The following RALYL variants were observed in gnomAD, a reference collection of about 807,000 sequenced individuals.
The protein encoded by RALYL is RALY RNA binding protein like.
A neutral mutation model predicts 35.1 loss-of-function variants in RALYL; 29 were observed. The ratio of observed to expected loss-of-function variants is 0.83; its 90% confidence interval spans 0.61 to 1.13. The LOEUF is 1.13. RALYL is among the 50% of genes most tolerant of loss of function. The pLI, the probability that RALYL is intolerant of heterozygous loss-of-function variation, is 0.00. For synonymous variants in RALYL, 120 were observed against 127.6 expected, an observed-to-expected ratio of 0.94 and a Z score of 0.40; for missense variants, 359 against 360.4, an observed-to-expected ratio of 1.00 and a Z score of 0.03.
At chr8:84,781,196 T>A (rs981709657) in intron 3 of RALYL, among the ~76,000 whole-genome samples, 1 of 152,198 alleles carries the variant, frequency 6.6e-6, no homozygotes, top group Non-Finnish European at 1.5e-5. Flanking sequence ...TTAGCTATGA[T>A]GATGTTGCTA....
At chr8:84,479,588 T>A (rs889922825) in intron 1 of RALYL, among the ~76,000 whole-genome samples, 2 of 152,214 alleles carry the variant, frequency 1.3e-5, no homozygotes, top group African/African-American at 2.4e-5. Flanking sequence ...TGTTTCTGTG[T>A]CTTTGTTCTG....
intron 2 of RALYL, among the ~76,000 whole-genome samples, chr8:84,714,505 A>G (rs1201028310): frequency 6.6e-6 from 1 of 151,284 alleles, no homozygotes; most frequent in African/African-American, 2.4e-5. Context: ...ATATATATAT[A>G]ATTTTTATTA....
At chr8:84,413,519 G>A (rs974491670) in intron 1 of RALYL, among the ~76,000 whole-genome samples, 2 of 151,890 alleles carry the variant, frequency 1.3e-5, no homozygotes, top group African/African-American at 4.8e-5. Context: ...ATTTGGACAT[G>A]TGAACATCTT....
At chr8:84,786,078 G>A (rs934016552) in intron 3 of RALYL, among the ~76,000 whole-genome samples, 6 of 152,182 alleles carry the variant, frequency 3.9e-5, no homozygotes, top group African/African-American at 1.4e-4. Flanking sequence ...AGAACATGTG[G>A]TATTTGGTTT....
intron 3 of RALYL, among the ~76,000 whole-genome samples, chr8:84,786,661 C>T (rs113236957): frequency 3.9e-5 from 6 of 152,106 alleles, no homozygotes; most frequent in Non-Finnish European, 8.8e-5. Context: ...CCTTTACCTA[C>T]TTTTTAATAG....
chr8:84,492,763 G>T (rs1024914299), intron 1 of RALYL, among the ~76,000 whole-genome samples: 4 of 147,358 alleles, frequency 2.7e-5, no homozygotes, highest in African/African-American at 5.4e-5. Flanking sequence ...CTTTCAAAAG[G>T]TATTACATAA....
intron 1 of RALYL, among the ~76,000 whole-genome samples, chr8:84,286,403 A>G (rs1047081943): frequency 2.0e-5 from 3 of 152,200 alleles, no homozygotes; most frequent in African/African-American, 2.4e-5. Flanking sequence ...TAGGGAGTGG[A>G]GTATATATGC....
chr8:84,704,601 T>G (rs1293574089), intron 2 of RALYL, among the ~76,000 whole-genome samples: 1 of 152,068 alleles, frequency 6.6e-6, no homozygotes, highest in African/African-American at 2.4e-5. Context: ...AAATGTATGT[T>G]CTAATAGGAA....
chr8:84,456,739 T>C (rs711016), intron 1 of RALYL, among the ~76,000 whole-genome samples: 1 of 152,016 alleles, frequency 6.6e-6, no homozygotes, highest in African/African-American at 2.4e-5. Flanking sequence ...TTATATATTG[T>C]GTTTTGTTCA....
In RALYL at chr8:84,267,734, C is replaced by T. The variant is rs1000676244; in HGVS notation, c.-24+83310C>T. On this transcript the variant is annotated intron_variant, in intron 1 of 8. Coordinates refer to ENST00000521268, the MANE Select transcript of RALYL (RefSeq NM_173848.7). Reference sequence around the variant, plus strand: ...GTTTATTAGTTGAATATTTTACAGACGTCTCTGCGCTGGATCCAATACCTT... The same window carrying T: ...GTTTATTAGTTGAATATTTTACAGATGTCTCTGCGCTGGATCCAATACCTT... 5.9e-5 allele frequency among the ~76,000 whole-genome samples: 9 copies of T among 152,166 alleles called. No homozygotes were observed. The East Asian group carries it at 1.5e-3, about 26-fold the overall frequency.
intron 1 of RALYL, among the ~76,000 whole-genome samples, chr8:84,440,616 G>A (rs2048228722): frequency 6.6e-6 from 1 of 152,106 alleles, no homozygotes; most frequent in African/African-American, 2.4e-5. Flanking sequence ...ACTCTCTTAA[G>A]TCTTGCTTCT....
At chr8:84,266,959 CAAAAAAAAAAA>C (rs747403533) in intron 1 of RALYL, among the ~76,000 whole-genome samples, 1 of 60,398 alleles carries the variant, frequency 1.7e-5, no homozygotes, top group Non-Finnish European at 3.3e-5. Flanking sequence ...GACTCCGTCT[CAAAAAAAAAAA>C]AAAAAAAAAA....
chr8:84,443,606 C>T (rs183601036), intron 1 of RALYL, among the ~76,000 whole-genome samples: 129 of 152,256 alleles, frequency 8.5e-4, no homozygotes, highest in African/African-American at 2.8e-3. Context: ...AGAGCGTGCT[C>T]TCACATGCAG....
chr8:84,248,986 T>C (rs889377051), intron 1 of RALYL, among the ~76,000 whole-genome samples: 1 of 152,050 alleles, frequency 6.6e-6, no homozygotes, highest in African/African-American at 2.4e-5. Flanking sequence ...ATGGTTCTCT[T>C]TTTATATATT....
intron 2 of RALYL, among the ~76,000 whole-genome samples, chr8:84,695,805 A>C (rs1839008203): frequency 6.6e-6 from 1 of 151,908 alleles, no homozygotes; most frequent in East Asian, 1.9e-4. Flanking sequence ...ATTATGTATC[A>C]TCATGCTGTT....
At chr8:84,668,878 G>T (rs1030334724) in intron 2 of RALYL, among the ~76,000 whole-genome samples, 8 of 151,948 alleles carry the variant, frequency 5.3e-5, no homozygotes, top group Non-Finnish European at 1.0e-4. Flanking sequence ...AGACAATCAA[G>T]TATCCAAGAA....
chr8:84,289,812 C>A (rs1182558171), intron 1 of RALYL, among the ~76,000 whole-genome samples: 12 of 151,982 alleles, frequency 7.9e-5, no homozygotes, highest in Non-Finnish European at 1.8e-4. Context: ...TTAAAGACAA[C>A]TGTAGTATTA....
At chr8:84,694,831 T>C (rs1210143959) in intron 2 of RALYL, among the ~76,000 whole-genome samples, 6 of 151,994 alleles carry the variant, frequency 3.9e-5, no homozygotes, top group African/African-American at 1.4e-4. Context: ...TGTTTGTTTT[T>C]TGTATATGTT....
chr8:84,892,312 A>T (rs1392444150), intron 8 of RALYL, among the ~76,000 whole-genome samples: 1 of 151,978 alleles, frequency 6.6e-6, no homozygotes, highest in African/African-American at 2.4e-5. Context: ...TCTTGTAGAG[A>T]GAGGACTGAT....
Sources: allele counts gnomAD v4.1 joint callset (sites outside exome capture counted in the v4.1 genomes callset), GRCh38; gene constraint gnomAD v4.1.1; transcripts MANE v1.5; gene names NCBI Gene and HGNC (gene_info 2026-07-23, HGNC 2026-07-21).